Variants in USP37 observed in about 807,000 individuals in gnomAD.
USP37 encodes ubiquitin specific peptidase 37.
A neutral mutation model predicts 124.0 loss-of-function variants in USP37; 27 were observed. That is an observed-to-expected ratio of 0.22 (90% CI 0.16 to 0.30). The LOEUF is 0.30. Ranked by LOEUF, USP37 falls within the 10% of genes least tolerant of loss-of-function variation. The probability of loss-of-function intolerance (pLI) is 1.00; values close to 1 mark genes in which losing one functional copy is unlikely to be tolerated. For missense variants in USP37, 889 were observed against 1,140.4 expected, an observed-to-expected ratio of 0.78 and a Z score of 3.17; for synonymous variants, 365 against 388.0, an observed-to-expected ratio of 0.94 and a Z score of 0.70.
intron 8 of USP37, among the ~76,000 whole-genome samples, chr2:218,543,193 G>A (rs1333840291): frequency 1.3e-5 from 2 of 152,062 alleles, no homozygotes; most frequent in East Asian, 1.9e-4. Context: ...TAATCAGCTT[G>A]CAATCAGTGA....
chr2:218,520,009 C>T (rs1690515280), intron 10 of USP37, among the ~76,000 whole-genome samples: 1 of 152,142 alleles, frequency 6.6e-6, no homozygotes, highest in Non-Finnish European at 1.5e-5. Flanking sequence ...GCGATCTAGG[C>T]TCACTGCAAT....
chr2:218,475,001 G>T, intron 19 of USP37, 116 bp from the exon 20 acceptor site: 1 of 1,099,818 alleles, frequency 9.1e-7, no homozygotes, highest in Non-Finnish European at 1.2e-6. Context: ...TGATGCTTTG[G>T]GTTATTTAAC....
At chr2:218,549,401 T>G (rs1184300187) in intron 6 of USP37, among the ~76,000 whole-genome samples, 1 of 151,986 alleles carries the variant, frequency 6.6e-6, no homozygotes, top group Non-Finnish European at 1.5e-5. Context: ...TGGTTTGGAA[T>G]GATACCTAAA....
At chr2:218,472,871 C>T (rs576682179) in intron 20 of USP37, among the ~76,000 whole-genome samples, 1 of 152,274 alleles carries the variant, frequency 6.6e-6, no homozygotes, top group Admixed American at 6.5e-5. Flanking sequence ...AGCCCACATT[C>T]TCATTTCTCC....
Position 218,453,863 on chromosome 2 carries a change from C to T in USP37, c.*1067G>A, listed in dbSNP as rs1368017040. On this transcript the variant is annotated 3_prime_UTR_variant, in exon 26 of 26. Coordinates refer to ENST00000258399, the MANE Select transcript of USP37 (RefSeq NM_020935.3). ...TACAGCTCAAGTACTTAATTTCATACTTGCAATAGGGCTTTTAGCTTCAGT... is the reference window on the plus strand; with the variant it reads ...TACAGCTCAAGTACTTAATTTCATATTTGCAATAGGGCTTTTAGCTTCAGT... 6.6e-6 allele frequency: 1 copy of T among 152,164 alleles called. No homozygotes were observed. Among genetic ancestry groups the T allele is most frequent in the Non-Finnish European group, 1.5e-5 (1 of 68,042 alleles). 9.4% of individuals were successfully genotyped at this position (152,164 alleles called of 1,614,324 possible).
intron 4 of USP37, 42 bp downstream of exon 4, chr2:218,558,456 G>T: frequency 6.4e-7 from 1 of 1,569,106 alleles, no homozygotes; most frequent in South Asian, 1.2e-5. Flanking sequence ...TTTACTAAAT[G>T]ATCTGCTTCA....
At chr2:218,475,025 T>C (rs1690889542) in intron 19 of USP37, 140 bp from the exon 20 acceptor site, 1 of 713,952 alleles carries the variant, frequency 1.4e-6, no homozygotes, top group Non-Finnish European at 2.1e-6. Flanking sequence ...CAATAACCAA[T>C]ATATAAACTA....
At chr2:218,534,045 G>C (rs1309747379) in intron 9 of USP37, among the ~76,000 whole-genome samples, 2 of 152,160 alleles carry the variant, frequency 1.3e-5, no homozygotes, top group Non-Finnish European at 2.9e-5. Flanking sequence ...CTGGTACTTT[G>C]ACAATGAAAC....
At position 218,534,554 on chromosome 2, in the gene USP37, T is replaced by A. The variant is rs184478970; in HGVS notation, c.778+55A>T. 587 of 1,053,278 alleles carry A rather than the reference T, an allele frequency of 5.6e-4. 4 individuals are homozygous for A. In the East Asian group the frequency reaches 0.016, roughly 29 times the overall value. 65.2% of individuals were successfully genotyped at this position (1,053,278 alleles called of 1,614,324 possible). A position where few individuals can be genotyped will look rare whatever the true frequency, so the allele number is the denominator to read the frequency against. ...AGATGGGTTAGGTTTTTATTTCTAA[T>A]CTAATAAATATATAATAAATGAGCA... On this transcript the variant is annotated intron_variant, in intron 9 of 25. Coordinates refer to ENST00000258399, the MANE Select transcript of USP37 (RefSeq NM_020935.3).
At chr2:218,457,551 C>T (rs981646186) in intron 23 of USP37, among the ~76,000 whole-genome samples, 2 of 151,984 alleles carry the variant, frequency 1.3e-5, no homozygotes, top group African/African-American at 4.8e-5. Flanking sequence ...CACATAGTAA[C>T]TATAACTCTA....
chr2:218,528,812 A>G, intron 10 of USP37: 1 of 332,516 alleles, frequency 3.0e-6, no homozygotes, highest in African/African-American at 4.1e-5. Flanking sequence ...TGAAAAAAAA[A>G]AAAAAAAAAA....
rs138444181 is a variant in USP37 at position 218,537,774 on chromosome 2, T to C, written c.681-3068A>G. 2.1e-4 allele frequency among the ~76,000 whole-genome samples: 32 copies of C among 152,222 alleles called. No individual in the cohort carries two copies. The East Asian group carries it at 6.2e-3, about 29-fold the overall frequency. ...CAACTTAAAGGACAAAGACAATGTG[T>C]AGAGTCACCCACAGGAGAGTTGCAG... On this transcript the variant is annotated intron_variant, in intron 8 of 25. Transcript: ENST00000258399.
At chr2:218,495,634 G>A in intron 14 of USP37, 126 bp downstream of exon 14, 1 of 1,061,032 alleles carries the variant, frequency 9.4e-7, no homozygotes, top group South Asian at 1.8e-5. Context: ...CAAGAGCCTA[G>A]GCAACTGTGT....
At chr2:218,519,037 G>T (rs901870501) in intron 10 of USP37, among the ~76,000 whole-genome samples, 6 of 152,194 alleles carry the variant, frequency 3.9e-5, no homozygotes, top group African/African-American at 1.2e-4. Context: ...TAAGTGGTCT[G>T]ACTAAAAAAT....
chr2:218,459,674 T>C (rs1336536105), intron 23 of USP37, 116 bp downstream of exon 23: 10 of 708,252 alleles, frequency 1.4e-5, no homozygotes, highest in Non-Finnish European at 2.4e-5. Context: ...ATCTAATGGC[T>C]ACTGAAAGGG....
chr2:218,532,440 C>A (rs1197469307), intron 9 of USP37, among the ~76,000 whole-genome samples: 1 of 145,748 alleles, frequency 6.9e-6, no homozygotes. Flanking sequence ...GCACTCCAGC[C>A]TGGGCGACAG....
chr2:218,560,919 A>C (rs1029884107), intron 2 of USP37, 36 bp from the exon 3 acceptor site: 10 of 152,212 alleles, frequency 6.6e-5, no homozygotes, highest in African/African-American at 2.4e-4. Context: ...AACACTTTCG[A>C]GAGTTTAAAG....
intron 25 of USP37, among the ~76,000 whole-genome samples, chr2:218,455,248 A>G (rs2106401933): frequency 6.6e-6 from 1 of 152,322 alleles, no homozygotes; most frequent in East Asian, 1.9e-4. Context: ...CATGCTAGGT[A>G]ATTCCCATCC....
chr2:218,493,460 C>CT (rs1432509929), intron 14 of USP37, among the ~76,000 whole-genome samples: 1 of 152,014 alleles, frequency 6.6e-6, no homozygotes, highest in Admixed American at 6.6e-5. Context: ...AGCTACTACT[C>CT]TGATATGGCC....
Sources: allele counts gnomAD v4.1 joint callset (sites outside exome capture counted in the v4.1 genomes callset), GRCh38; gene constraint gnomAD v4.1.1; transcripts MANE v1.5; gene names NCBI Gene and HGNC (gene_info 2026-07-23, HGNC 2026-07-21).